GRK3: variants seen among roughly 807,000 people sequenced by gnomAD.
The protein encoded by GRK3 is G protein-coupled receptor kinase 3.
In GRK3, 54 loss-of-function variants were observed where a neutral mutation model predicts 95.7. The ratio of observed to expected loss-of-function variants is 0.56; its 90% CI spans 0.45 to 0.71. GRK3 has a LOEUF of 0.71. Ranked by LOEUF, GRK3 falls within the 30% of genes least tolerant of loss-of-function variation. The pLI is 0.00. For synonymous variants in GRK3, 281 were observed against 290.8 expected, an observed-to-expected ratio of 0.97 and a Z score of 0.34; for missense variants, 649 against 851.2, an observed-to-expected ratio of 0.76 and a Z score of 2.96.
intron 1 of GRK3, among the ~76,000 whole-genome samples, chr22:25,575,573 G>C (rs780288236): frequency 2.6e-5 from 4 of 152,184 alleles, no homozygotes; most frequent in Non-Finnish European, 5.9e-5. Context: ...GTTTATTACA[G>C]TGGATGGTCA....
intron 1 of GRK3, 71 bp from the exon 2 acceptor site, chr22:25,604,306 T>C (rs895911767): frequency 1.8e-6 from 2 of 1,108,602 alleles, no homozygotes; most frequent in Non-Finnish European, 2.6e-6. Context: ...CATCCGTATC[T>C]CTTCCATCCT....
At chr22:25,600,147 GTT>G (rs797013361) in intron 1 of GRK3, among the ~76,000 whole-genome samples, 10 of 137,014 alleles carry the variant, frequency 7.3e-5, no homozygotes, top group Admixed American at 1.5e-4. Context: ...TATCTGCAGG[GTT>G]TTTTTTTTTT....
chr22:25,728,268 C>T lies in GRK3; in HGVS notation c.*5818C>T, dbSNP rs546606450. 16 of 152,346 alleles carry T rather than the reference C, an allele frequency of 1.1e-4. No individual in the cohort carries two copies. Among genetic ancestry groups the T allele is most frequent in the South Asian group, 4.1e-4 (2 of 4,830 alleles). The allele number at this position is 152,346 out of a possible 1,614,324, so 9.4% of individuals were successfully genotyped here. A position where few individuals can be genotyped will look rare whatever the true frequency, so the allele number is the denominator to read the frequency against. ...AGAGGCGCATGCATGTCTTTCGTCACGTCGGGCAGCACACCTGCTGTGAAA... is the reference window on the plus strand; with the variant it reads ...AGAGGCGCATGCATGTCTTTCGTCATGTCGGGCAGCACACCTGCTGTGAAA... On this transcript the variant is annotated 3_prime_UTR_variant, in exon 21 of 21. Transcript: ENST00000324198.
At chr22:25,566,800 C>G (rs1297688700) in intron 1 of GRK3, among the ~76,000 whole-genome samples, 1 of 152,128 alleles carries the variant, frequency 6.6e-6, no homozygotes, top group African/African-American at 2.4e-5. Flanking sequence ...CCTCTTTTGT[C>G]TTGCCTTTCC....
rs766772201 is a variant in GRK3 at position 25,723,658 on chromosome 22, G to GA, written c.*1211dup. The GA allele has an allele frequency of 6.6e-6, 1 of 151,976 alleles. No homozygotes were observed. Among genetic ancestry groups the GA allele is most frequent in the Admixed American group, 6.6e-5 (1 of 15,254 alleles). The allele number at this position is 151,976 out of a possible 1,614,324, so 9.4% of individuals were successfully genotyped here. A position where few individuals can be genotyped will look rare whatever the true frequency, so the allele number is the denominator to read the frequency against. On this transcript the variant is annotated 3_prime_UTR_variant, in exon 21 of 21. Coordinates refer to ENST00000324198, the MANE Select transcript of GRK3 (RefSeq NM_005160.4). ...TAGATGCTGGGTTATGAGAACCAGCGAAATCCCCCATGTCATCAGTCTTAA... is the reference window on the plus strand; with the variant it reads ...TAGATGCTGGGTTATGAGAACCAGCGAAAATCCCCCATGTCATCAGTCTTAA...
rs757901670 is a variant in GRK3, at chr22:25,721,284, C to T, written c.1792C>T (p.Gln598Ter). 6.5e-7 allele frequency: 1 copy of T among 1,527,336 alleles called. No individual in the cohort carries two copies. The highest frequency in any genetic ancestry group is 8.9e-7 in the Non-Finnish European group (1 of 1,126,336). The allele number at this position is 1,527,336 out of a possible 1,614,324, so 94.6% of individuals were successfully genotyped here. A position where few individuals can be genotyped will look rare whatever the true frequency, so the allele number is the denominator to read the frequency against. The change falls in exon 20 of 21, where the codon CAA becomes TAA. Residue 598 changes from glutamine to a stop codon, truncating the protein, a stop_gained and splice_region_variant. Coordinates refer to ENST00000324198, the MANE Select transcript of GRK3 (RefSeq NM_005160.4). LOFTEE classifies it high-confidence loss of function. ...TTTAAATTTCTGTTTTTATGGTTAG[C>T]AAAATTTACTGACAATGGAACAGAT... is the stretch of plus-strand genomic sequence containing the variant. ...LEWRGEGESR[Q>*]NLLTMEQILS...
chr22:25,719,706 G>T (rs576508775), intron 19 of GRK3, among the ~76,000 whole-genome samples: 3 of 118,108 alleles, frequency 2.5e-5, no homozygotes, highest in African/African-American at 6.3e-5. Flanking sequence ...GGGTGGGGGG[G>T]GGGCCTGGTG....
At chr22:25,704,232 C>T (rs770786999) in intron 15 of GRK3, 23 bp downstream of exon 15, 20 of 1,573,338 alleles carry the variant, frequency 1.3e-5, no homozygotes, top group African/African-American at 1.1e-4. Context: ...TCCTGCCTTT[C>T]GGTATCTTTA....
chr22:25,624,881 G>A (rs1463539956), intron 2 of GRK3, among the ~76,000 whole-genome samples: 1 of 151,034 alleles, frequency 6.6e-6, no homozygotes, highest in Non-Finnish European at 1.5e-5. Flanking sequence ...GTTATTTGCA[G>A]CATTTAATAT....
rs183679604 is a variant in GRK3, at chr22:25,710,007, G to A, written c.1395+43G>A. Reference sequence around the variant, plus strand: ...ACTCTACTTACGGTACTGCCGCCCCGCCCTTACCCGCTCATCTCTGTCTCA... The same window carrying A: ...ACTCTACTTACGGTACTGCCGCCCCACCCTTACCCGCTCATCTCTGTCTCA... On this transcript the variant is annotated intron_variant, in intron 16 of 20. Coordinates refer to ENST00000324198, the MANE Select transcript of GRK3 (RefSeq NM_005160.4). 31 of 1,363,498 alleles carry A rather than the reference G, an allele frequency of 2.3e-5. No individual in the cohort carries two copies. In the Admixed American group the frequency reaches 3.9e-4, roughly 17 times the overall value. The allele number at this position is 1,363,498 out of a possible 1,614,324, so 84.5% of individuals were successfully genotyped here.
intron 3 of GRK3, chr22:25,648,841 C>A: frequency 9.0e-7 from 1 of 1,116,152 alleles, no homozygotes; most frequent in Non-Finnish European, 1.4e-6. Flanking sequence ...TGCAAAATAG[C>A]AGATTTTGGT....
In GRK3 at chr22:25,672,336, T is replaced by C. The variant is rs2084989817; in HGVS notation, c.544T>C (p.Leu182=). The C allele has an allele frequency of 1.4e-6, 2 of 1,477,040 alleles. No homozygotes were observed. Among genetic ancestry groups the C allele is most frequent in the South Asian group, 1.2e-5 (1 of 82,824 alleles). The allele number at this position is 1,477,040 out of a possible 1,614,324, so 91.5% of individuals were successfully genotyped here. A position where few individuals can be genotyped will look rare whatever the true frequency, so the allele number is the denominator to read the frequency against. The change falls in exon 7 of 21, where the codon TTA becomes CTA. Residue 182 remains leucine (L), a synonymous_variant. Coordinates refer to ENST00000324198, the MANE Select transcript of GRK3 (RefSeq NM_005160.4). The part of the protein sequence containing the change: ...TRFCQWKNVE[L]NIHLTMNEFS... ...ATTTTGTCAGTGGAAAAACGTTGAA[T>C]TAAATATCCATGTGAGTATCATCTT...
intron 13 of GRK3, among the ~76,000 whole-genome samples, chr22:25,698,047 G>A (rs2085223991): frequency 6.6e-6 from 1 of 151,466 alleles, no homozygotes; most frequent in Admixed American, 6.6e-5. Context: ...TGTGGGGGAA[G>A]GAAAGGAGTA....
chr22:25,585,064 A>G (rs1239297927), intron 1 of GRK3, among the ~76,000 whole-genome samples: 1 of 152,282 alleles, frequency 6.6e-6, no homozygotes, highest in African/African-American at 2.4e-5. Context: ...TTCAGAACTG[A>G]CTAGGGAGGG....
intron 3 of GRK3, among the ~76,000 whole-genome samples, chr22:25,653,897 C>T (rs1304162181): frequency 1.3e-5 from 2 of 152,174 alleles, no homozygotes; most frequent in Non-Finnish European, 2.9e-5. Context: ...CCATGTTGGC[C>T]AGCCTGGTCT....
intron 2 of GRK3, among the ~76,000 whole-genome samples, chr22:25,605,363 G>T (rs1294137529): frequency 6.6e-6 from 1 of 152,136 alleles, no homozygotes; most frequent in East Asian, 1.9e-4. Flanking sequence ...CTTTCATTTT[G>T]TTAGTTCTTA....
At chr22:25,643,419 A>G (rs2146381136) in intron 2 of GRK3, among the ~76,000 whole-genome samples, 1 of 152,380 alleles carries the variant, frequency 6.6e-6, no homozygotes, top group South Asian at 2.1e-4. Flanking sequence ...GATCAGTTAC[A>G]GACCAGTTCA....
intron 3 of GRK3, chr22:25,648,974 A>C (rs1022842527): frequency 2.0e-6 from 2 of 1,005,424 alleles, no homozygotes; most frequent in East Asian, 4.7e-5. Flanking sequence ...GTGTCTGCTC[A>C]TTTGGAATTC....
chr22:25,651,193 A>T (rs2084828057), intron 3 of GRK3, among the ~76,000 whole-genome samples: 1 of 152,354 alleles, frequency 6.6e-6, no homozygotes, highest in Admixed American at 6.5e-5. Context: ...CATTAGTGGT[A>T]TAAGTGTCTA....
Sources: gnomAD v4.1 joint callset for allele counts (sites outside exome capture counted in the v4.1 genomes callset) on GRCh38, gnomAD v4.1.1 for gene constraint, MANE v1.5 for transcripts, NCBI Gene and HGNC (gene_info 2026-07-23, HGNC 2026-07-21) for gene names.